MAS1: variants seen among roughly 807,000 people sequenced by gnomAD.
MAS1 encodes the protein MAS1 proto-oncogene, G protein-coupled receptor, also known as proto-oncogene Mas.
For synonymous variants in MAS1, 163 were observed against 164.2 expected (o/e 0.99, Z 0.05); for missense variants, 387 against 409.7 (o/e 0.94, Z 0.48).
intron 2 of MAS1, among the ~76,000 whole-genome samples, chr6:159,900,888 A>G (rs370931806): frequency 5.9e-5 from 9 of 152,352 alleles, no homozygotes; most frequent in African/African-American, 2.2e-4. Context: ...CCTGGTTTCA[A>G]GGAGTTTGCT....
chr6:159,899,666 G>A (rs775987079), intron 2 of MAS1, among the ~76,000 whole-genome samples: 11 of 152,212 alleles, frequency 7.2e-5, no homozygotes, highest in Non-Finnish European at 1.2e-4. Context: ...TTGAGCCCAG[G>A]AAGTCAAGGC....
chr6:159,895,837 A>G lies in MAS1; in HGVS notation c.-243-3349A>G, dbSNP rs115380826. 3.7e-3 allele frequency among the ~76,000 whole-genome samples: 562 copies of G among 152,334 alleles called. 5 individuals carry two copies. The highest frequency in any genetic ancestry group is 0.013 in the African/African-American group (535 of 41,580). The stretch of plus-strand genomic sequence containing the variant: ...TTGTTAATACACATTTAAATCTTGA[A>G]GAACGTTTATACCCTTTGGTCTAGC... On this transcript the variant is annotated intron_variant, in intron 1 of 2. Transcript: ENST00000674077.
intron 2 of MAS1, 24 bp from the exon 3 acceptor site, chr6:159,906,896 G>T: frequency 2.0e-6 from 3 of 1,489,054 alleles, no homozygotes; most frequent in South Asian, 1.4e-5. Flanking sequence ...TTTTGTGTTT[G>T]TTTTGTTCTG....
Position 159,894,263 on chromosome 6 carries a change from C to CA in MAS1, c.-244+3136dup. Among the ~76,000 whole-genome samples, 3 of 151,438 alleles carry CA rather than the reference C, an allele frequency of 2.0e-5. No individual in the cohort carries two copies. The Middle Eastern group carries it at 0.01, about 515-fold the overall frequency. ...AAAACTCCGTTTCTACTAAAAATAC[C>CA]AAAAAATTAGTCAGATGTGGTGGCG... On this transcript the variant is annotated intron_variant, in intron 1 of 2. Coordinates refer to ENST00000674077, the MANE Select transcript of MAS1 (RefSeq NM_002377.4).
At chr6:159,901,536 C>G (rs1782822303) in intron 2 of MAS1, among the ~76,000 whole-genome samples, 1 of 152,140 alleles carries the variant, frequency 6.6e-6, no homozygotes, top group Admixed American at 6.5e-5. Flanking sequence ...GCATTTGAAG[C>G]TGCAGTGAGC....
In MAS1 at chr6:159,909,776, C is replaced by T. The variant is rs1434126181; in HGVS notation, c.*1843C>T. On this transcript the variant is annotated 3_prime_UTR_variant, in exon 3 of 3. Transcript: ENST00000674077. ...TTAGTCTCAAAGAGGACCCTAAAGA[C>T]TATCAGATACAAGGAATTTCTACCT... The T allele has an allele frequency of 6.6e-6, 1 of 152,072 alleles. No individual in the cohort carries two copies. Among genetic ancestry groups the T allele is most frequent in the Non-Finnish European group, 1.5e-5 (1 of 68,008 alleles). The allele number at this position is 152,072 out of a possible 1,614,324, so 9.4% of individuals were successfully genotyped here.
At chr6:159,891,609 T>C (rs1179407941) in intron 1 of MAS1, among the ~76,000 whole-genome samples, 1 of 152,238 alleles carries the variant, frequency 6.6e-6, no homozygotes, top group African/African-American at 2.4e-5. Context: ...GCAAGCTGTA[T>C]TGATTTTTCT....
rs760547714 is a variant in MAS1 at position 159,907,962 on chromosome 6, T to C, written c.*29T>C. The C allele has an allele frequency of 2.4e-5, 37 of 1,559,330 alleles. No individual in the cohort carries two copies. Among genetic ancestry groups the C allele is most frequent in the Non-Finnish European group, 3.1e-5 (36 of 1,154,030 alleles). Reference sequence around the variant, plus strand: ...CTGTGAGGGAAGTTGTGGATAAAAATGGTGGAACACAGGTCATTTTTAGTT... The same window carrying C: ...CTGTGAGGGAAGTTGTGGATAAAAACGGTGGAACACAGGTCATTTTTAGTT... On this transcript the variant is annotated 3_prime_UTR_variant, in exon 3 of 3. Coordinates refer to ENST00000674077, the MANE Select transcript of MAS1 (RefSeq NM_002377.4).
chr6:159,904,573 A>G (rs1299491421), intron 2 of MAS1, among the ~76,000 whole-genome samples: 7 of 152,180 alleles, frequency 4.6e-5, no homozygotes, highest in Admixed American at 4.6e-4. Flanking sequence ...CCCTGTGTCT[A>G]GGCCAGTGCC....
At chr6:159,897,128 C>T (rs1294501789) in intron 1 of MAS1, among the ~76,000 whole-genome samples, 8 of 152,186 alleles carry the variant, frequency 5.3e-5, no homozygotes, top group Non-Finnish European at 1.5e-5. Flanking sequence ...CCCGCCTCGG[C>T]CTCCCAAAGT....
At chr6:159,895,375 A>G (rs1169234947) in intron 1 of MAS1, among the ~76,000 whole-genome samples, 2 of 152,272 alleles carry the variant, frequency 1.3e-5, no homozygotes, top group African/African-American at 4.8e-5. Context: ...CTTAATGATC[A>G]GCACAGGATG....
Position 159,895,814 on chromosome 6 carries a change from G to A in MAS1, c.-243-3372G>A, listed in dbSNP as rs866313084. On this transcript the variant is annotated intron_variant, in intron 1 of 2. Coordinates refer to ENST00000674077, the MANE Select transcript of MAS1 (RefSeq NM_002377.4). ...GCATGGTTATTTTGGATGACAGTTT[G>A]TTAATACACATTTAAATCTTGAAGA... 4.6e-5 allele frequency among the ~76,000 whole-genome samples: 7 copies of A among 152,208 alleles called. No homozygotes were observed. In the South Asian group the frequency reaches 1.4e-3, roughly 32 times the overall value.
intron 2 of MAS1, among the ~76,000 whole-genome samples, chr6:159,899,644 T>A (rs1460936573): frequency 6.6e-6 from 1 of 152,008 alleles, no homozygotes; most frequent in African/African-American, 2.4e-5. Flanking sequence ...GAGGCTGAGG[T>A]GGGAGGATCA....
intron 2 of MAS1, among the ~76,000 whole-genome samples, chr6:159,901,279 A>G (rs563977018): frequency 1.3e-5 from 2 of 152,362 alleles, no homozygotes; most frequent in South Asian, 4.1e-4. Flanking sequence ...AATTTTGGAA[A>G]GGAACACAAT....
rs369982384 is a variant in MAS1, at chr6:159,910,569, C to T, written c.*2636C>T. The T allele has an allele frequency of 1.3e-5, 2 of 152,296 alleles. No individual in the cohort carries two copies. Among genetic ancestry groups the T allele is most frequent in the East Asian group, 1.9e-4 (1 of 5,204 alleles). 9.4% of individuals were successfully genotyped at this position (152,296 alleles called of 1,614,324 possible). ...ACTATAAGCTCCTTGAGGGCAGGGA[C>T]GTAGCTTTGCTCACTGCTGTAGCCC... is the stretch of plus-strand genomic sequence containing the variant. On this transcript the variant is annotated 3_prime_UTR_variant, in exon 3 of 3. Transcript: ENST00000674077.
chr6:159,901,853 TAAA>T (rs35452379), intron 2 of MAS1, among the ~76,000 whole-genome samples: 3 of 137,808 alleles, frequency 2.2e-5, no homozygotes, highest in African/African-American at 2.7e-5. Flanking sequence ...ACCCTATCTC[TAAA>T]AAAAAAAAAA....
At chr6:159,894,847 A>G (rs180920814) in intron 1 of MAS1, among the ~76,000 whole-genome samples, 1 of 152,374 alleles carries the variant, frequency 6.6e-6, no homozygotes, top group East Asian at 1.9e-4. Flanking sequence ...GATAGCTAGG[A>G]GCCACTCTGT....
intron 1 of MAS1, among the ~76,000 whole-genome samples, chr6:159,898,613 C>CTTTCCTCCTCCTCCCT (rs1782784242): frequency 1.6e-4 from 1 of 6,282 alleles, no homozygotes; most frequent in Non-Finnish European, 4.1e-4. Flanking sequence ...TCTTCCTCCT[C>CTTTCCTCCTCCTCCCT]CTTCCTCCTC....
rs1173021636 is a variant in MAS1 at position 159,915,408 on chromosome 6, G to A, written c.*7475G>A. On this transcript the variant is annotated 3_prime_UTR_variant, in exon 3 of 3. Coordinates refer to ENST00000674077, the MANE Select transcript of MAS1 (RefSeq NM_002377.4). ...CTGCTGGAAATAGGACTAGTTCACT[G>A]AGTATAACGTTTCTACAGAGCAGTC... 6.6e-6 allele frequency: 1 copy of A among 152,224 alleles called. No individual in the cohort carries two copies. The highest frequency in any genetic ancestry group is 1.5e-5 in the Non-Finnish European group (1 of 68,048). 9.4% of individuals were successfully genotyped at this position (152,224 alleles called of 1,614,324 possible). A position where few individuals can be genotyped will look rare whatever the true frequency, so the allele number is the denominator to read the frequency against.
Sources: gnomAD v4.1 joint callset for allele counts (sites outside exome capture counted in the v4.1 genomes callset) on GRCh38, gnomAD v4.1.1 for gene constraint, MANE v1.5 for transcripts, NCBI Gene and HGNC (gene_info 2026-07-23, HGNC 2026-07-21) for gene names.